ZFYVE16: variants seen among roughly 807,000 people sequenced by gnomAD.
ZFYVE16 encodes the protein zinc finger FYVE domain-containing protein 16.
Under a neutral mutation model 138.1 loss-of-function variants are expected in ZFYVE16, and 89 were observed. The ratio of observed to expected loss-of-function variants is 0.64; its 90% CI spans 0.54 to 0.77. The LOEUF is 0.77. Ranked by LOEUF, ZFYVE16 falls within the 30% of genes least tolerant of loss-of-function variation. ZFYVE16 has a pLI of 0.00. For synonymous variants in ZFYVE16, 596 were observed against 618.3 expected (o/e 0.96, Z 0.53); for missense variants, 1,793 against 1,786.7 (o/e 1.00, Z -0.06).
intron 15 of ZFYVE16, among the ~76,000 whole-genome samples, chr5:80,465,583 A>AT (rs1431478907): frequency 2.0e-5 from 3 of 149,184 alleles, no homozygotes; most frequent in African/African-American, 7.4e-5. Context: ...TTTTTTTTCT[A>AT]TTTTTTGTAG....
chr5:80,471,641 ATT>A (rs1399086323), intron 15 of ZFYVE16, among the ~76,000 whole-genome samples: 3 of 152,144 alleles, frequency 2.0e-5, no homozygotes, highest in Non-Finnish European at 2.9e-5. Flanking sequence ...TTGTGTGTCT[ATT>A]ATTTCTCAAC....
chr5:80,427,610 CTTTTTT>C, intron 2 of ZFYVE16, 65 bp downstream of exon 2: 5 of 50,008 alleles, frequency 1.0e-4, no homozygotes, highest in Admixed American at 3.2e-4. Flanking sequence ...CTGTCGTATG[CTTTTTT>C]TTTTTTTTTT....
At chr5:80,409,713 A>G (rs909457814) in intron 1 of ZFYVE16, 12 of 152,240 alleles carry the variant, frequency 7.9e-5, no homozygotes, top group Non-Finnish European at 7.3e-5. Context: ...TGAAGAAAAC[A>G]CCAGCCTTGA....
chr5:80,432,928 A>G (rs1246967553), intron 2 of ZFYVE16, among the ~76,000 whole-genome samples: 1 of 152,208 alleles, frequency 6.6e-6, no homozygotes, highest in Non-Finnish European at 1.5e-5. Context: ...CGATCCTTAA[A>G]AAGTCAGGAA....
chr5:80,450,284 CT>C, intron 9 of ZFYVE16, 146 bp from the exon 10 acceptor site: 2 of 713,704 alleles, frequency 2.8e-6, no homozygotes, highest in Non-Finnish European at 4.6e-6. Flanking sequence ...TTATATAAAT[CT>C]TATACAATTC....
At position 80,451,849 on chromosome 5, in the gene ZFYVE16, C is replaced by T. The variant is rs937169695; in HGVS notation, c.3607+140C>T. ...CTATGCTTTTAAAGTTCTAAGACAA[C>T]CCTCTTCTACTACCAGGTTGGTCTA... On this transcript the variant is annotated intron_variant, in intron 11 of 18. Coordinates refer to ENST00000505560, the MANE Select transcript of ZFYVE16 (RefSeq NM_001284236.3). 1.4e-4 allele frequency: 109 copies of T among 776,056 alleles called. 1 individual carries two copies. The highest frequency in any genetic ancestry group is 7.8e-4 in the Middle Eastern group (2 of 2,576). The allele number at this position is 776,056 out of a possible 1,614,324, so 48.1% of individuals were successfully genotyped here. A position where few individuals can be genotyped will look rare whatever the true frequency, so the allele number is the denominator to read the frequency against.
chr5:80,462,356 A>G (rs2112501947), intron 15 of ZFYVE16, among the ~76,000 whole-genome samples: 1 of 152,320 alleles, frequency 6.6e-6, no homozygotes. Flanking sequence ...CCTTCTTCAC[A>G]AGGCAGCAGG....
intron 7 of ZFYVE16, among the ~76,000 whole-genome samples, chr5:80,446,147 C>T (rs1318454614): frequency 1.3e-5 from 2 of 151,994 alleles, no homozygotes; most frequent in South Asian, 2.1e-4. Context: ...CTGCCCATCT[C>T]GGCCTCCCAA....
intron 2 of ZFYVE16, among the ~76,000 whole-genome samples, chr5:80,432,986 G>A (rs1285664161): frequency 6.6e-6 from 1 of 152,184 alleles, no homozygotes; most frequent in Non-Finnish European, 1.5e-5. Context: ...TTTACACTTG[G>A]TGGGATTGTA....
In ZFYVE16 at chr5:80,479,567, G is replaced by T. The variant is rs576714479; in HGVS notation, c.*2190G>T. Among the ~76,000 whole-genome samples the T allele has an allele frequency of 1.4e-3, 215 of 152,298 alleles. 3 individuals carry two copies. The South Asian group carries it at 0.019, about 14-fold the overall frequency. ...TAGGATTTGGCCCTGTAGGAGCAAA[G>T]ATTCAATTGTGGGAAACTACTTGTT... is the stretch of plus-strand genomic sequence containing the variant. On this transcript the variant is annotated 3_prime_UTR_variant, in exon 19 of 19. Coordinates refer to ENST00000505560, the MANE Select transcript of ZFYVE16 (RefSeq NM_001284236.3).
chr5:80,447,360 A>G (rs541674949), intron 7 of ZFYVE16, among the ~76,000 whole-genome samples: 28 of 152,092 alleles, frequency 1.8e-4, no homozygotes, highest in African/African-American at 6.5e-4. Flanking sequence ...CTGTTTGTCA[A>G]GAGTTCATGA....
rs768748474 is a variant in ZFYVE16 at position 80,437,198 on chromosome 5, T to C, written c.513T>C (p.Asp171=). The change falls in exon 4 of 19, where the codon GAT becomes GAC. Residue 171 remains aspartate, a synonymous_variant. Coordinates refer to ENST00000505560, the MANE Select transcript of ZFYVE16 (RefSeq NM_001284236.3). ...GATTGGATTTATCTTCAGTGTCAGA[T>C]ACTCCCTGTGTTTCTTCAACAGACC... ...LIGLDLSSVS[D]TPCVSSTDHD... The C allele has an allele frequency of 7.4e-6, 12 of 1,614,066 alleles. No individual in the cohort carries two copies. The highest frequency in any genetic ancestry group is 1.6e-4 in the Middle Eastern group (1 of 6,062).
chr5:80,470,099 G>GTGTGTGT (rs1327173079), intron 15 of ZFYVE16, among the ~76,000 whole-genome samples: 1 of 121,184 alleles, frequency 8.3e-6, no homozygotes, highest in African/African-American at 3.4e-5. Context: ...GTGTGTGTGT[G>GTGTGTGT]TATTTTTTTT....
chr5:80,433,103 C>T (rs562321816), intron 2 of ZFYVE16, among the ~76,000 whole-genome samples: 12 of 152,242 alleles, frequency 7.9e-5, no homozygotes, highest in African/African-American at 2.4e-4. Flanking sequence ...ACCCAAAGGA[C>T]TATAAATCAT....
Position 80,437,240 on chromosome 5 carries a change from C to T in ZFYVE16, c.555C>T (p.Val185=), listed in dbSNP as rs1365380579. ...CAACAGACCATGATAGTGATACTGT[C>T]AGAGAACAACAGAATGATATCAGTT... is the stretch of plus-strand genomic sequence containing the variant. The part of the protein sequence containing the change: ...VSSTDHDSDT[V]REQQNDISSE... Residue 185 remains valine, a synonymous_variant, in exon 4 of 19, where the codon GTC becomes GTT. Transcript: ENST00000505560. 1 of 1,613,768 alleles carries T rather than the reference C, an allele frequency of 6.2e-7. No individual in the cohort carries two copies. The highest frequency in any genetic ancestry group is 1.1e-5 in the South Asian group (1 of 91,038).
intron 2 of ZFYVE16, among the ~76,000 whole-genome samples, chr5:80,433,008 C>A (rs1239576932): frequency 6.6e-6 from 1 of 152,160 alleles, no homozygotes; most frequent in African/African-American, 2.4e-5. Context: ...ACTAGTTCAA[C>A]CATTGTGGAC....
rs183176008 is a variant in ZFYVE16 at position 80,473,665 on chromosome 5, T to A, written c.4188-89T>A. 4.8e-6 allele frequency: 4 copies of A among 828,542 alleles called. No individual in the cohort carries two copies. The East Asian group carries it at 1.1e-4, about 23-fold the overall frequency. The allele number at this position is 828,542 out of a possible 1,614,324, so 51.3% of individuals were successfully genotyped here. A position where few individuals can be genotyped will look rare whatever the true frequency, so the allele number is the denominator to read the frequency against. On this transcript the variant is annotated intron_variant, in intron 16 of 18. Coordinates refer to ENST00000505560, the MANE Select transcript of ZFYVE16 (RefSeq NM_001284236.3). ...ATTGACATATCTTCTTTTATATTTT[T>A]TCCCTCATTCCATTTGTTCAAATCT...
chr5:80,443,781 G>A (rs1472196217), intron 6 of ZFYVE16: 3 of 456,204 alleles, frequency 6.6e-6, no homozygotes, highest in Non-Finnish European at 1.3e-5. Flanking sequence ...CCCACCTTAT[G>A]GTCTCCCACC....
At chr5:80,461,842 G>T (rs1753153812) in intron 15 of ZFYVE16, among the ~76,000 whole-genome samples, 1 of 151,946 alleles carries the variant, frequency 6.6e-6, no homozygotes, top group South Asian at 2.1e-4. Flanking sequence ...CGTGGTGGCG[G>T]GCGCCTGTAA....
Sources: gnomAD v4.1 joint callset for allele counts (sites outside exome capture counted in the v4.1 genomes callset) on GRCh38, gnomAD v4.1.1 for gene constraint, MANE v1.5 for transcripts, NCBI Gene and HGNC (gene_info 2026-07-23, HGNC 2026-07-21) for gene names.